Variants in COL8A1 observed in about 807,000 individuals in gnomAD.
The protein encoded by COL8A1 is collagen alpha-1(VIII) chain.
In COL8A1, 21 loss-of-function variants were observed where a neutral mutation model predicts 42.7. That is an observed-to-expected ratio of 0.49 (90% CI 0.35 to 0.71). COL8A1 has a LOEUF of 0.71. Among genes scored for constraint, COL8A1 ranks in the 30% least tolerant of loss-of-function variants. The probability of loss-of-function intolerance (pLI) is 0.01; values close to 1 mark genes in which losing one functional copy is unlikely to be tolerated. For missense variants in COL8A1, 788 were observed against 962.4 expected (o/e 0.82, Z 2.40); for synonymous variants, 367 against 369.1 (o/e 0.99, Z 0.06).
intron 1 of COL8A1, among the ~76,000 whole-genome samples, chr3:99,658,765 G>A (rs767261759): frequency 2.0e-5 from 3 of 152,188 alleles, no homozygotes; most frequent in South Asian, 2.1e-4. Flanking sequence ...AAAACAAGAC[G>A]TCTTTAGCAA....
At chr3:99,701,983 G>C (rs1454020018) in intron 1 of COL8A1, among the ~76,000 whole-genome samples, 1 of 152,148 alleles carries the variant, frequency 6.6e-6, no homozygotes, top group African/African-American at 2.4e-5. Flanking sequence ...AGGAGCCTAT[G>C]ATGAAGAATG....
At chr3:99,737,892 T>C (rs1940777739) in intron 1 of COL8A1, among the ~76,000 whole-genome samples, 2 of 151,442 alleles carry the variant, frequency 1.3e-5, no homozygotes, top group Non-Finnish European at 3.0e-5. Flanking sequence ...TCTTTTCACA[T>C]AGTCCCATAT....
At chr3:99,651,098 G>T (rs1937831768) in intron 1 of COL8A1, among the ~76,000 whole-genome samples, 1 of 151,892 alleles carries the variant, frequency 6.6e-6, no homozygotes, top group African/African-American at 2.4e-5. Context: ...TTATTTTAGT[G>T]GCTTAAAATC....
intron 1 of COL8A1, among the ~76,000 whole-genome samples, chr3:99,658,815 C>T (rs1285445500): frequency 6.6e-6 from 1 of 152,226 alleles, no homozygotes; most frequent in East Asian, 1.9e-4. Context: ...TAAGACAGGC[C>T]CTTAGCAATA....
At chr3:99,693,167 C>T (rs565129258) in intron 1 of COL8A1, among the ~76,000 whole-genome samples, 11 of 151,784 alleles carry the variant, frequency 7.2e-5, no homozygotes, top group Non-Finnish European at 1.5e-4. Flanking sequence ...CCAGCCTGGG[C>T]GACAGAGCGA....
intron 1 of COL8A1, among the ~76,000 whole-genome samples, chr3:99,665,308 C>T (rs554221428): frequency 1.4e-4 from 22 of 152,278 alleles, no homozygotes; most frequent in Admixed American, 2.6e-4. Flanking sequence ...TGATCGCTGA[C>T]TTCTCTACAG....
intron 1 of COL8A1, among the ~76,000 whole-genome samples, chr3:99,683,213 A>G (rs925852898): frequency 6.6e-6 from 1 of 152,170 alleles, no homozygotes; most frequent in Admixed American, 6.6e-5. Context: ...TTTCTCCCCC[A>G]TAAGACTCTA....
intron 2 of COL8A1, among the ~76,000 whole-genome samples, chr3:99,777,413 G>C (rs1941714366): frequency 6.6e-6 from 1 of 152,128 alleles, no homozygotes; most frequent in African/African-American, 2.4e-5. Context: ...ATAAAAGATG[G>C]GGAAAGTAAA....
chr3:99,664,052 A>G (rs920330261), intron 1 of COL8A1, among the ~76,000 whole-genome samples: 1 of 152,216 alleles, frequency 6.6e-6, no homozygotes, highest in Non-Finnish European at 1.5e-5. Context: ...CATAACAGCA[A>G]CGTTAGCACT....
intron 1 of COL8A1, among the ~76,000 whole-genome samples, chr3:99,668,945 T>C (rs1306620992): frequency 2.6e-5 from 4 of 151,782 alleles, no homozygotes; most frequent in Non-Finnish European, 5.9e-5. Flanking sequence ...ACATTTATTA[T>C]ATCGCAGCTT....
chr3:99,693,197 A>C (rs1247831615), intron 1 of COL8A1, among the ~76,000 whole-genome samples: 1 of 152,250 alleles, frequency 6.6e-6, no homozygotes, highest in African/African-American at 2.4e-5. Flanking sequence ...TAAAAAAACA[A>C]AAATAAAAAC....
intron 2 of COL8A1, among the ~76,000 whole-genome samples, chr3:99,772,530 G>C (rs529518402): frequency 4.6e-5 from 7 of 152,266 alleles, no homozygotes; most frequent in African/African-American, 1.7e-4. Context: ...GTTCATAATG[G>C]GGGAGGTTGT....
intron 1 of COL8A1, among the ~76,000 whole-genome samples, chr3:99,644,255 C>T (rs547958551): frequency 6.6e-6 from 1 of 152,162 alleles, no homozygotes. Context: ...TTTATAAGTA[C>T]CATATCTATT....
intron 1 of COL8A1, among the ~76,000 whole-genome samples, chr3:99,720,228 A>T (rs1301750155): frequency 6.6e-6 from 1 of 152,102 alleles, no homozygotes. Context: ...GAACTAGTAG[A>T]TCTCTCTCTG....
At chr3:99,729,769 T>A (rs1940447445) in intron 1 of COL8A1, among the ~76,000 whole-genome samples, 1 of 151,976 alleles carries the variant, frequency 6.6e-6, no homozygotes, top group Admixed American at 6.6e-5. Flanking sequence ...CCCCACCCCT[T>A]CCTCTAGCTC....
chr3:99,658,954 G>T (rs1436461930), intron 1 of COL8A1, among the ~76,000 whole-genome samples: 2 of 152,182 alleles, frequency 1.3e-5, no homozygotes, highest in African/African-American at 4.8e-5. Flanking sequence ...ATCCCCACTA[G>T]CTCTACTGAA....
At chr3:99,662,084 A>T (rs1289843236) in intron 1 of COL8A1, among the ~76,000 whole-genome samples, 1 of 152,196 alleles carries the variant, frequency 6.6e-6, no homozygotes, top group African/African-American at 2.4e-5. Context: ...TACACTTAAA[A>T]ATGGTTAATA....
intron 1 of COL8A1, among the ~76,000 whole-genome samples, chr3:99,641,082 A>T (rs1937500469): frequency 1.3e-5 from 2 of 152,188 alleles, no homozygotes; most frequent in Admixed American, 6.5e-5. Context: ...TTATAAAATG[A>T]TATCCTTTTC....
intron 1 of COL8A1, chr3:99,691,937 G>T (rs1939232115): frequency 6.6e-6 from 1 of 152,058 alleles, no homozygotes; most frequent in Non-Finnish European, 1.5e-5. Context: ...GAATACCAAT[G>T]CTTTCTTCTT....
Sources: allele counts gnomAD v4.1 joint callset (sites outside exome capture counted in the v4.1 genomes callset), GRCh38; gene constraint gnomAD v4.1.1; transcripts MANE v1.5; gene names NCBI Gene and HGNC (gene_info 2026-07-23, HGNC 2026-07-21).